CCDC150: variants seen among roughly 807,000 people sequenced by gnomAD.
CCDC150 encodes the protein coiled-coil domain-containing protein 150.
CCDC150 carries 151 observed loss-of-function variants against 156.5 expected under a neutral mutation model. That is an observed-to-expected ratio of 0.97 (90% confidence interval 0.85 to 1.10). The LOEUF is 1.10. Ranked by LOEUF, CCDC150 falls within the 50% of genes least tolerant of loss-of-function variation. The pLI, the probability that CCDC150 is intolerant of heterozygous loss-of-function variation, is 0.00. For missense variants in CCDC150, 1,312 were observed against 1,268.1 expected (o/e 1.03, Z -0.53); for synonymous variants, 452 against 429.4 (o/e 1.05, Z -0.65).
At chr2:196,653,302 C>T (rs1037697215) in intron 2 of CCDC150, among the ~76,000 whole-genome samples, 5 of 152,180 alleles carry the variant, frequency 3.3e-5, no homozygotes, top group African/African-American at 1.2e-4. Context: ...TACGTTTCAA[C>T]CTTAAGTCAT....
chr2:196,729,208 G>A lies in CCDC150; in HGVS notation c.2572G>A (p.Asp858Asn), dbSNP rs1698392841. ...GTGTTTTAAGCTGAAGAAAGCCCTT[G>A]ATGAAGCTAACTTCAGATCAGTGGA... ...REVAELKKAL[D>N]EANFRSVEVS... The change falls in exon 23 of 28, where the codon GAT becomes AAT. Residue 858 changes from aspartate to asparagine, a missense_variant. Coordinates refer to ENST00000389175, the MANE Select transcript of CCDC150 (RefSeq NM_001080539.2). 6.2e-7 allele frequency: 1 copy of A among 1,610,318 alleles called. No individual in the cohort carries two copies. Among genetic ancestry groups the A allele is most frequent in the East Asian group, 2.2e-5 (1 of 44,868 alleles).
chr2:196,660,088 G>T (rs1348182282), intron 5 of CCDC150, among the ~76,000 whole-genome samples: 1 of 151,954 alleles, frequency 6.6e-6, no homozygotes, highest in Non-Finnish European at 1.5e-5. Context: ...TTTTTGTACT[G>T]GCTTCTTTTA....
chr2:196,692,121 ATTTTTTTT>A (rs1161513452), intron 13 of CCDC150, among the ~76,000 whole-genome samples: 25 of 62,052 alleles, frequency 4.0e-4, no homozygotes, highest in Admixed American at 2.4e-3. Flanking sequence ...TTGAGATCTA[ATTTTTTTT>A]TTTTTTTTTT....
At chr2:196,701,322 C>A in intron 15 of CCDC150, 142 bp downstream of exon 15, 1 of 629,020 alleles carries the variant, frequency 1.6e-6, no homozygotes, top group Non-Finnish European at 2.7e-6. Context: ...TTTGTGGCCT[C>A]ATTAATAGCC....
At chr2:196,673,322 G>A (rs1694315992) in intron 9 of CCDC150, among the ~76,000 whole-genome samples, 1 of 152,180 alleles carries the variant, frequency 6.6e-6, no homozygotes, top group Non-Finnish European at 1.5e-5. Context: ...AGGTGGCAGA[G>A]TTGGAATTTG....
At chr2:196,726,177 C>T (rs1346344084) in intron 22 of CCDC150, 78 bp downstream of exon 22, 5 of 1,521,788 alleles carry the variant, frequency 3.3e-6, no homozygotes, top group Admixed American at 3.6e-5. Flanking sequence ...AGAATGGCTA[C>T]AGTTGTTCTT....
chr2:196,658,515 T>C (rs1401118734), intron 4 of CCDC150, among the ~76,000 whole-genome samples: 3 of 152,202 alleles, frequency 2.0e-5, no homozygotes, highest in African/African-American at 7.2e-5. Context: ...GACCTCTAAT[T>C]ATTGAATTTT....
chr2:196,641,072 C>T (rs969650031), intron 1 of CCDC150, among the ~76,000 whole-genome samples: 16 of 152,210 alleles, frequency 1.1e-4, no homozygotes, highest in African/African-American at 3.9e-4. Flanking sequence ...ACACCATTCT[C>T]CTGCCTCAGC....
Position 196,720,661 on chromosome 2 carries a change from A to C in CCDC150, c.2252A>C (p.Asn751Thr). 1.2e-5 allele frequency: 19 copies of C among 1,613,438 alleles called. No homozygotes were observed. Among genetic ancestry groups the C allele is most frequent in the Non-Finnish European group, 1.5e-5 (18 of 1,179,568 alleles). The change falls in exon 20 of 28, where the codon AAC (asparagine) becomes ACC (threonine). Residue 751 changes from asparagine to threonine, a missense_variant. By Grantham distance (65) the Asn-to-Thr change is moderately conservative. Transcript: ENST00000389175. ...ATGCTTGTCATGGAGGACCAGCACAACAGTGAGGTTGGAGCCAGGCTTTAA... is the reference window on the plus strand; with the variant it reads ...ATGCTTGTCATGGAGGACCAGCACACCAGTGAGGTTGGAGCCAGGCTTTAA... ...ARMLVMEDQH[N>T]SEIESLQKAL... is the part of the protein sequence containing the mutation.
chr2:196,713,382 C>A, intron 17 of CCDC150: 1 of 1,508,140 alleles, frequency 6.6e-7, no homozygotes, highest in South Asian at 1.3e-5. Flanking sequence ...AGGAAATCCC[C>A]AGAGAGGACT....
At position 196,732,430 on chromosome 2, in the gene CCDC150, G is replaced by A. The variant is rs767572448; in HGVS notation, c.3190-16G>A. On this transcript the variant is annotated splice_polypyrimidine_tract_variant and intron_variant, in intron 27 of 27. Coordinates refer to ENST00000389175, the MANE Select transcript of CCDC150 (RefSeq NM_001080539.2). ...GCTCTGAACAGTCAGTGTTAGGTGT[G>A]TTTTCTTTCCAACAGGACCAAGATG... 5 of 1,588,254 alleles carry A rather than the reference G, an allele frequency of 3.1e-6. No individual in the cohort carries two copies. The highest frequency in any genetic ancestry group is 4.3e-6 in the Non-Finnish European group (5 of 1,157,286).
At chr2:196,651,761 TTGC>T (rs1692889825) in intron 2 of CCDC150, among the ~76,000 whole-genome samples, 3 of 152,194 alleles carry the variant, frequency 2.0e-5, no homozygotes, top group Non-Finnish European at 2.9e-5. Context: ...CCATTGTGCA[TTGC>T]TATAAAGGAA....
intron 13 of CCDC150, among the ~76,000 whole-genome samples, chr2:196,685,685 C>T (rs2125633512): frequency 6.6e-6 from 1 of 151,778 alleles, no homozygotes; most frequent in African/African-American, 2.4e-5. Flanking sequence ...CATCTCGGCT[C>T]ACTGCAAGCT....
intron 13 of CCDC150, among the ~76,000 whole-genome samples, chr2:196,688,377 A>G (rs1375563048): frequency 6.6e-6 from 1 of 152,146 alleles, no homozygotes; most frequent in African/African-American, 2.4e-5. Flanking sequence ...ATGGGAGTTC[A>G]TTCATGATTT....
chr2:196,646,225 A>G (rs1692529165), intron 1 of CCDC150, 116 bp from the exon 2 acceptor site: 1 of 920,548 alleles, frequency 1.1e-6, no homozygotes, highest in Non-Finnish European at 1.7e-6. Flanking sequence ...AGCAGAACAC[A>G]TCACCATTCC....
intron 4 of CCDC150, 61 bp downstream of exon 4, chr2:196,657,197 C>A: frequency 6.5e-7 from 1 of 1,527,052 alleles, no homozygotes; most frequent in Non-Finnish European, 9.0e-7. Context: ...GAGGAGGTAA[C>A]AGACCTATGA....
chr2:196,641,552 A>G (rs1692232304), intron 1 of CCDC150, among the ~76,000 whole-genome samples: 1 of 151,616 alleles, frequency 6.6e-6, no homozygotes, highest in South Asian at 2.1e-4. Context: ...TTCCTATTTC[A>G]TTTTCCTCCT....
intron 15 of CCDC150, among the ~76,000 whole-genome samples, chr2:196,705,339 G>A (rs1301262422): frequency 6.6e-6 from 1 of 152,164 alleles, no homozygotes; most frequent in Non-Finnish European, 1.5e-5. Flanking sequence ...TCTGTTGGCT[G>A]CATAAATGCC....
At chr2:196,652,329 A>C (rs1239089057) in intron 2 of CCDC150, among the ~76,000 whole-genome samples, 2 of 152,234 alleles carry the variant, frequency 1.3e-5, no homozygotes, top group Non-Finnish European at 2.9e-5. Context: ...GTAAGACAAA[A>C]AGAAAGTTAT....
Sources: allele counts gnomAD v4.1 joint callset (sites outside exome capture counted in the v4.1 genomes callset), GRCh38; gene constraint gnomAD v4.1.1; transcripts MANE v1.5; gene names NCBI Gene and HGNC (gene_info 2026-07-23, HGNC 2026-07-21).